CYRIB: variants seen among roughly 807,000 people sequenced by gnomAD.
The protein encoded by CYRIB is CYFIP related Rac1 interactor B.
Under a neutral mutation model 44.2 loss-of-function variants are expected in CYRIB, and 8 were observed. The observed-to-expected ratio is 0.18, with a 90% confidence interval of 0.11 to 0.33. CYRIB has a LOEUF of 0.33. Ranked by LOEUF, CYRIB falls within the 10% of genes least tolerant of loss-of-function variation. CYRIB has a pLI of 1.00. For synonymous variants in CYRIB, 131 were observed against 127.2 expected, an observed-to-expected ratio of 1.03 and a Z score of -0.20; for missense variants, 185 against 382.8, an observed-to-expected ratio of 0.48 and a Z score of 4.31.
At chr8:129,910,171 T>A (rs2077234450) in intron 1 of CYRIB, among the ~76,000 whole-genome samples, 1 of 152,220 alleles carries the variant, frequency 6.6e-6, no homozygotes, top group Non-Finnish European at 1.5e-5. Flanking sequence ...GGCTCCAAGA[T>A]GTGGCCAGAA....
chr8:129,930,863 T>C (rs2091007222), intron 1 of CYRIB, among the ~76,000 whole-genome samples: 1 of 152,152 alleles, frequency 6.6e-6, no homozygotes, highest in African/African-American at 2.4e-5. Flanking sequence ...AAGAAGACTG[T>C]TTTAAGTTTC....
Position 129,843,525 on chromosome 8 carries a change from C to G in CYRIB, c.912-1320G>C, listed in dbSNP as rs563602211. The stretch of plus-strand genomic sequence containing the variant: ...GACTGTATTTTGGAGATAACCCAGA[C>G]AGAGAAATCTGGTTCACAAGAATTC... On this transcript the variant is annotated intron_variant, in intron 11 of 11. Transcript: ENST00000519824. Among the ~76,000 whole-genome samples, 10 of 152,350 alleles carry G rather than the reference C, an allele frequency of 6.6e-5. No homozygotes were observed. In the East Asian group the frequency reaches 1.9e-3, roughly 29 times the overall value.
chr8:129,985,880 T>TAC (rs2096437763), intron 1 of CYRIB, among the ~76,000 whole-genome samples: 1 of 152,168 alleles, frequency 6.6e-6, no homozygotes, highest in African/African-American at 2.4e-5. Flanking sequence ...AGGAACAGTC[T>TAC]ACCCCAGCCC....
chr8:130,009,121 A>G (rs1274059750), intron 1 of CYRIB, among the ~76,000 whole-genome samples: 1 of 152,254 alleles, frequency 6.6e-6, no homozygotes, highest in South Asian at 2.1e-4. Context: ...AAGACTTCAC[A>G]GTCAGGGAGT....
At chr8:129,967,350 G>GGTTTTGTTTT (rs371763669) in intron 2 of CYRIB, among the ~76,000 whole-genome samples, 20 of 151,258 alleles carry the variant, frequency 1.3e-4, no homozygotes, top group African/African-American at 4.9e-4. Flanking sequence ...TCTTTTCTTT[G>GGTTTTGTTTT]GTTTTGTTTT....
At chr8:129,876,715 C>T (rs1444566852) in intron 3 of CYRIB, among the ~76,000 whole-genome samples, 1 of 151,694 alleles carries the variant, frequency 6.6e-6, no homozygotes, top group Non-Finnish European at 1.5e-5. Flanking sequence ...TCTGTAGTCA[C>T]CCAACTGCAG....
chr8:129,943,274 T>C (rs561599077), upstream of CYRIB, among the ~76,000 whole-genome samples: 16 of 151,952 alleles, frequency 1.1e-4, no homozygotes, highest in South Asian at 2.1e-4. Flanking sequence ...CCTGGGACAA[T>C]TGTGAAGGCT....
intron 1 of CYRIB, among the ~76,000 whole-genome samples, chr8:129,927,666 T>C (rs1312875871): frequency 6.6e-6 from 1 of 152,222 alleles, no homozygotes; most frequent in Admixed American, 6.5e-5. Flanking sequence ...TAGGTGGTGA[T>C]TTTTGCTTTT....
intron 1 of CYRIB, among the ~76,000 whole-genome samples, chr8:129,933,270 CT>C (rs2138566904): frequency 6.6e-6 from 1 of 152,308 alleles, no homozygotes; most frequent in South Asian, 2.1e-4. Flanking sequence ...TACCCCCAAA[CT>C]CTTCTGCTTT....
chr8:129,931,315 T>C (rs2091251510), intron 1 of CYRIB, among the ~76,000 whole-genome samples: 1 of 152,206 alleles, frequency 6.6e-6, no homozygotes, highest in Admixed American at 6.5e-5. Flanking sequence ...GAATTTAAAG[T>C]AGAGAACTGT....
chr8:129,925,762 G>A (rs1290473673), intron 1 of CYRIB, among the ~76,000 whole-genome samples: 3 of 152,162 alleles, frequency 2.0e-5, no homozygotes, highest in African/African-American at 7.2e-5. Flanking sequence ...TCAATTTACT[G>A]TGTCCACCAA....
intron 4 of CYRIB, 135 bp from the exon 7 acceptor site, chr8:129,862,469 T>A: frequency 2.7e-6 from 2 of 739,562 alleles, no homozygotes. Context: ...AATCTAGGAG[T>A]GTTGAATATT....
chr8:129,978,044 G>A (rs1042955948), intron 1 of CYRIB, among the ~76,000 whole-genome samples: 3 of 152,060 alleles, frequency 2.0e-5, no homozygotes, highest in Non-Finnish European at 4.4e-5. Flanking sequence ...GAGTAGCTGG[G>A]GTACTACTCA....
intron 2 of CYRIB, among the ~76,000 whole-genome samples, chr8:129,952,353 A>AC (rs1471649920): frequency 2.0e-5 from 3 of 152,154 alleles, no homozygotes; most frequent in Non-Finnish European, 4.4e-5. Context: ...GAGCCACCAC[A>AC]CCCGGCCAAA....
intron 1 of CYRIB, among the ~76,000 whole-genome samples, chr8:129,916,685 C>G (rs2080943743): frequency 6.6e-6 from 1 of 152,206 alleles, no homozygotes; most frequent in African/African-American, 2.4e-5. Flanking sequence ...GACTCCAGCC[C>G]ACATCAATCC....
intron 1 of CYRIB, among the ~76,000 whole-genome samples, chr8:129,998,286 G>A (rs2096828463): frequency 6.6e-6 from 1 of 152,096 alleles, no homozygotes; most frequent in South Asian, 2.1e-4. Context: ...GTCCTTCCAA[G>A]TCGGTACCTG....
At chr8:129,941,745 G>A (rs1369451032), upstream of CYRIB, among the ~76,000 whole-genome samples, 1 of 152,148 alleles carries the variant, frequency 6.6e-6, no homozygotes, top group Non-Finnish European at 1.5e-5. Context: ...AAGTCCCTTA[G>A]ATATGAGCTC....
At chr8:129,920,408 A>T (rs886357156) in intron 1 of CYRIB, among the ~76,000 whole-genome samples, 4 of 152,158 alleles carry the variant, frequency 2.6e-5, no homozygotes, top group Admixed American at 6.5e-5. Flanking sequence ...CAGTAGAAGA[A>T]CTTTATTTTT....
intron 1 of CYRIB, among the ~76,000 whole-genome samples, chr8:129,911,950 T>G (rs1409989202): frequency 6.6e-6 from 1 of 152,198 alleles, no homozygotes; most frequent in East Asian, 1.9e-4. Flanking sequence ...TGGCAGGTGC[T>G]GCAATCGTGC....
Sources: gnomAD v4.1 joint callset for allele counts (sites outside exome capture counted in the v4.1 genomes callset) on GRCh38, gnomAD v4.1.1 for gene constraint, MANE v1.5 for transcripts, NCBI Gene and HGNC (gene_info 2026-07-23, HGNC 2026-07-21) for gene names.